Variants in SRBD1 observed in about 807,000 individuals in gnomAD.
SRBD1 encodes the protein S1 RNA binding domain 1, also known as S1 RNA-binding domain-containing protein 1.
SRBD1 carries 88 observed loss-of-function variants against 115.3 expected under a neutral mutation model. That is an observed-to-expected ratio of 0.76 (90% CI 0.64 to 0.91). SRBD1 has a LOEUF of 0.91. Ranked by LOEUF, SRBD1 falls within the 40% of genes least tolerant of loss-of-function variation. The probability of loss-of-function intolerance (pLI) is 0.00; values close to 1 mark genes in which losing one functional copy is unlikely to be tolerated. For missense variants in SRBD1, 1,385 were observed against 1,177.4 expected, an observed-to-expected ratio of 1.18 and a Z score of -2.58; for synonymous variants, 509 against 407.7, an observed-to-expected ratio of 1.25 and a Z score of -2.99.
intron 14 of SRBD1, among the ~76,000 whole-genome samples, chr2:45,520,615 C>T (rs1031499845): frequency 6.6e-6 from 1 of 152,148 alleles, no homozygotes; most frequent in African/African-American, 2.4e-5. Context: ...CCCATAAAAA[C>T]CCTGAACCCC....
At chr2:45,500,940 G>A (rs1670612523) in intron 14 of SRBD1, among the ~76,000 whole-genome samples, 1 of 152,172 alleles carries the variant, frequency 6.6e-6, no homozygotes, top group African/African-American at 2.4e-5. Flanking sequence ...AAGTGGGAAA[G>A]TAGGCATACT....
At chr2:45,487,539 T>C (rs1395624680) in intron 15 of SRBD1, among the ~76,000 whole-genome samples, 1 of 152,210 alleles carries the variant, frequency 6.6e-6, no homozygotes, top group Non-Finnish European at 1.5e-5. Context: ...TGTACTTTCA[T>C]AAATTTGTAT....
At chr2:45,497,937 G>C (rs935856699) in intron 14 of SRBD1, among the ~76,000 whole-genome samples, 1 of 152,128 alleles carries the variant, frequency 6.6e-6, no homozygotes, top group Non-Finnish European at 1.5e-5. Flanking sequence ...AGGAGGCTGA[G>C]GCAGGAGAAT....
intron 9 of SRBD1, among the ~76,000 whole-genome samples, chr2:45,570,712 G>A (rs1672979662): frequency 6.6e-6 from 1 of 152,158 alleles, no homozygotes; most frequent in Admixed American, 6.5e-5. Context: ...CTCAGCAGTG[G>A]CCTCTGAAGA....
At chr2:45,503,819 A>G (rs1670713772) in intron 14 of SRBD1, among the ~76,000 whole-genome samples, 1 of 152,158 alleles carries the variant, frequency 6.6e-6, no homozygotes, top group Non-Finnish European at 1.5e-5. Flanking sequence ...CAAAAAGCAA[A>G]TCCAAAGAGG....
At chr2:45,448,483 C>G (rs1280296972) in intron 16 of SRBD1, among the ~76,000 whole-genome samples, 1 of 152,100 alleles carries the variant, frequency 6.6e-6, no homozygotes, top group East Asian at 1.9e-4. Flanking sequence ...AGGCACAGAG[C>G]TGGAAAAATG....
rs142044464 is a variant in SRBD1, at chr2:45,522,492, G to C, written c.1874+24240C>G. Among the ~76,000 whole-genome samples, 243 of 152,286 alleles carry C rather than the reference G, an allele frequency of 1.6e-3. 1 individual carries two copies. Among genetic ancestry groups the C allele is most frequent in the African/African-American group, 5.4e-3 (225 of 41,542 alleles). ...GCATGGTGCCTGGCCCAAAATCTGA[G>C]CACAAACATGATACTCAAAGGAAAG... On this transcript the variant is annotated intron_variant, in intron 14 of 20. Transcript: ENST00000263736.
intron 18 of SRBD1, among the ~76,000 whole-genome samples, chr2:45,413,503 T>C (rs1012705462): frequency 1.3e-5 from 2 of 152,184 alleles, no homozygotes; most frequent in African/African-American, 2.4e-5. Context: ...CATTCTTAAC[T>C]GATTGTATAA....
chr2:45,585,495 A>T, intron 5 of SRBD1, 113 bp downstream of exon 5: 1 of 1,181,000 alleles, frequency 8.5e-7, no homozygotes, highest in Non-Finnish European at 1.2e-6. Flanking sequence ...AGATTACAAT[A>T]ATTCAAGGAA....
In SRBD1 at chr2:45,581,824, CTT is replaced by C. The variant is rs10611302; in HGVS notation, c.816-16_816-15del. The C allele has an allele frequency of 0.037, 58,908 of 1,590,912 alleles. 2,028 individuals carry two copies. Among genetic ancestry groups the C allele is most frequent in the African/African-American group, 0.18 (13,221 of 74,004 alleles). On this transcript the variant is annotated splice_polypyrimidine_tract_variant and intron_variant, in intron 5 of 20. Coordinates refer to ENST00000263736, the MANE Select transcript of SRBD1 (RefSeq NM_018079.5). The stretch of plus-strand genomic sequence containing the variant: ...TTTGCAACAGCCCTGAAAAGAGAAA[CTT>C]TTGTAATATACCAAAACTGTATGTC...
chr2:45,553,934 T>A (rs1672388669), intron 10 of SRBD1, among the ~76,000 whole-genome samples: 1 of 152,220 alleles, frequency 6.6e-6, no homozygotes, highest in South Asian at 2.1e-4. Flanking sequence ...TCCTAGTAAC[T>A]ATCTATGGTC....
intron 14 of SRBD1, among the ~76,000 whole-genome samples, chr2:45,530,721 A>T (rs1558458126): frequency 6.6e-6 from 1 of 152,022 alleles, no homozygotes; most frequent in African/African-American, 2.4e-5. Context: ...CCCAGTTCCT[A>T]GTATCAGTCT....
rs1202151534 is a variant in SRBD1, at chr2:45,437,073, A to G, written c.2050-17179T>C. On this transcript the variant is annotated intron_variant, in intron 16 of 20. Coordinates refer to ENST00000263736, the MANE Select transcript of SRBD1 (RefSeq NM_018079.5). ...ATCTAATAAGATATGTATAAGATCT[A>G]TAAGAAGAAAACTACAATACTCTAT... Among the ~76,000 whole-genome samples the G allele has an allele frequency of 1.3e-5, 2 of 152,330 alleles. 1 individual carries two copies. The highest frequency in any genetic ancestry group is 1.3e-4 in the Admixed American group (2 of 15,304).
At chr2:45,588,310 G>C (rs780721601) in intron 4 of SRBD1, among the ~76,000 whole-genome samples, 5 of 152,134 alleles carry the variant, frequency 3.3e-5, no homozygotes, top group East Asian at 1.9e-4. Flanking sequence ...TAGATCATTA[G>C]ATGCCAGCCC....
At chr2:45,536,339 A>C (rs1671761962) in intron 14 of SRBD1, among the ~76,000 whole-genome samples, 1 of 151,912 alleles carries the variant, frequency 6.6e-6, no homozygotes, top group Non-Finnish European at 1.5e-5. Context: ...TAGGGGAAAA[A>C]AACATACTTG....
intron 1 of SRBD1, among the ~76,000 whole-genome samples, chr2:45,608,262 T>G (rs544439411): frequency 6.6e-6 from 1 of 152,120 alleles, no homozygotes; most frequent in Admixed American, 6.6e-5. Context: ...GATGAGTGAG[T>G]TGTAATATTT....
At chr2:45,503,359 G>A (rs1192768117) in intron 14 of SRBD1, among the ~76,000 whole-genome samples, 1 of 152,170 alleles carries the variant, frequency 6.6e-6, no homozygotes, top group Non-Finnish European at 1.5e-5. Context: ...CTGCGCCAGT[G>A]TTTTCATAAT....
At chr2:45,552,455 C>A (rs1672331937) in intron 11 of SRBD1, among the ~76,000 whole-genome samples, 1 of 152,154 alleles carries the variant, frequency 6.6e-6, no homozygotes, top group Non-Finnish European at 1.5e-5. Context: ...TTACATTAAA[C>A]CTTGATGAAA....
At chr2:45,524,059 A>G (rs1386589889) in intron 14 of SRBD1, among the ~76,000 whole-genome samples, 1 of 152,096 alleles carries the variant, frequency 6.6e-6, no homozygotes, top group Non-Finnish European at 1.5e-5. Flanking sequence ...AACAAAATTC[A>G]TATGATCGCA....
Sources: allele counts gnomAD v4.1 joint callset (sites outside exome capture counted in the v4.1 genomes callset), GRCh38; gene constraint gnomAD v4.1.1; transcripts MANE v1.5; gene names NCBI Gene and HGNC (gene_info 2026-07-23, HGNC 2026-07-21).